The following VAV1 variants were observed in gnomAD, a reference collection of about 807,000 sequenced individuals.
VAV1 encodes the protein vav guanine nucleotide exchange factor 1, also known as proto-oncogene vav.
A neutral mutation model predicts 128.1 loss-of-function variants in VAV1; 33 were observed. The ratio of observed to expected loss-of-function variants is 0.26; its 90% confidence interval spans 0.20 to 0.34. The LOEUF is 0.34. Among genes scored for constraint, VAV1 ranks in the 10% least tolerant of loss-of-function variants. The pLI is 1.00. For synonymous variants in VAV1, 394 were observed against 409.8 expected (o/e 0.96, Z 0.47); for missense variants, 715 against 1,093.7 (o/e 0.65, Z 4.88).
Position 6,822,495 on chromosome 19 carries a change from C to T in VAV1, c.635C>T (p.Thr212Met). Residue 212 changes from threonine (T) to methionine (M), a missense_variant, in exon 6 of 27, where the codon ACG becomes ATG. Coordinates refer to ENST00000602142, the MANE Select transcript of VAV1 (RefSeq NM_005428.4). This position sits in a 1 kb window ranked among gnomAD's most constrained non-coding sequence, Gnocchi z 5.9. Reference protein sequence around the residue: ...IQQTEEKYTDTLGSIQQHFLK... With the variant: ...IQQTEEKYTDMLGSIQQHFLK... ...CAGACGGAGGAGAAGTACACTGACA[C>T]GCTGGGCTCCATCCAGCAGGTGGGC... The T allele has an allele frequency of 6.4e-7, 1 of 1,551,688 alleles. No individual in the cohort carries two copies. The highest frequency in any genetic ancestry group is 8.7e-7 in the Non-Finnish European group (1 of 1,149,594).
intron 19 of VAV1, among the ~76,000 whole-genome samples, chr19:6,834,446 G>T (rs1161320711): frequency 6.6e-6 from 1 of 151,492 alleles, no homozygotes; most frequent in Non-Finnish European, 1.5e-5. Flanking sequence ...GTTTCACCAT[G>T]TTGGGCAGGC....
chr19:6,846,523 G>A (rs1383966030), intron 22 of VAV1, among the ~76,000 whole-genome samples: 4 of 150,922 alleles, frequency 2.7e-5, no homozygotes, highest in Non-Finnish European at 4.4e-5. Context: ...AGGAGGCAGA[G>A]GTTGCAGTGA....
At chr19:6,814,674 T>TTCTCTCTCTCTCTCTCTCTCTCTCTCTC (rs1971592836) in intron 1 of VAV1, among the ~76,000 whole-genome samples, 1 of 95,184 alleles carries the variant, frequency 1.1e-5, no homozygotes, top group African/African-American at 5.5e-5. Flanking sequence ...CTTCCTTCCT[T>TTCTCTCTCTCTCTCTCTCTCTCTCTCTC]TCTTTCTTTC....
At chr19:6,817,302 A>T (rs184474368) in intron 1 of VAV1, among the ~76,000 whole-genome samples, 23 of 151,692 alleles carry the variant, frequency 1.5e-4, no homozygotes, top group Admixed American at 1.4e-3. Context: ...GACCTCAAGT[A>T]ATCTGCCTGC....
chr19:6,819,570 C>A (rs1599652518), intron 1 of VAV1, among the ~76,000 whole-genome samples: 2 of 152,204 alleles, frequency 1.3e-5, no homozygotes, highest in Admixed American at 1.3e-4. Flanking sequence ...GAGTAATATT[C>A]CATTGTGTGG....
intron 1 of VAV1, among the ~76,000 whole-genome samples, chr19:6,817,958 T>C (rs1044593228): frequency 6.6e-6 from 1 of 152,168 alleles, no homozygotes; most frequent in Non-Finnish European, 1.5e-5. Flanking sequence ...AGTGCTGGGA[T>C]TACAGGCATG....
chr19:6,801,533 G>A (rs1337611515), intron 1 of VAV1, among the ~76,000 whole-genome samples: 4 of 152,156 alleles, frequency 2.6e-5, no homozygotes, highest in African/African-American at 4.8e-5. Context: ...TTGAAAGGGT[G>A]CACAGCACAC....
At chr19:6,778,628 G>A (rs911491212) in intron 1 of VAV1, among the ~76,000 whole-genome samples, 1 of 152,156 alleles carries the variant, frequency 6.6e-6, no homozygotes. Flanking sequence ...CCAGCTACCC[G>A]AGAGGCTAAG....
intron 9 of VAV1, among the ~76,000 whole-genome samples, chr19:6,827,492 C>T (rs1971946306): frequency 6.6e-6 from 1 of 152,100 alleles, no homozygotes; most frequent in African/African-American, 2.4e-5. Flanking sequence ...CCAGGGTGGT[C>T]TCAAACTCCT....
At chr19:6,805,603 C>CACACACACAT (rs879919537) in intron 1 of VAV1, among the ~76,000 whole-genome samples, 1,949 of 151,380 alleles carry the variant, frequency 0.013, 30 homozygotes, top group Middle Eastern at 0.027. Flanking sequence ...CACACACACA[C>CACACACACAT]ACACACACAC....
rs1971913722 is a variant in VAV1, at chr19:6,826,198, C to T, written c.828-414C>T. Among the ~76,000 whole-genome samples, 1 of 151,664 alleles carries T rather than the reference C, an allele frequency of 6.6e-6. No homozygotes were observed. The highest frequency in any genetic ancestry group is 2.1e-4 in the South Asian group (1 of 4,812). On this transcript the variant is annotated intron_variant, in intron 8 of 26. Transcript: ENST00000602142. This position sits in a 1 kb window ranked among gnomAD's most constrained non-coding sequence, Gnocchi z 4.1. ...ACTAAAAATACAAAAATTAGCCAGG[C>T]ATGGTGGCAGGTGTCTGTAATCCCA...
At chr19:6,825,500 G>C (rs370571831) in intron 8 of VAV1, 94 bp downstream of exon 8, 7 of 1,093,720 alleles carry the variant, frequency 6.4e-6, no homozygotes, top group Non-Finnish European at 9.4e-6. Flanking sequence ...ACCACTGGAC[G>C]GGGAGGACTT....
chr19:6,825,329 C>T lies in VAV1; in HGVS notation c.750C>T (p.Phe250=), dbSNP rs568745219. Residue 250 remains phenylalanine, a synonymous_variant, in exon 8 of 27, where the codon TTC becomes TTT. Coordinates refer to ENST00000602142, the MANE Select transcript of VAV1 (RefSeq NM_005428.4). ...IEDLLRVHTH[F]LKEMKEALGT... Reference sequence around the variant, plus strand: ...ACCTGCTTCGTGTTCATACTCACTTCCTAAAGGAGATGAAGGAAGCCCTGG... The same window carrying T: ...ACCTGCTTCGTGTTCATACTCACTTTCTAAAGGAGATGAAGGAAGCCCTGG... The T allele has an allele frequency of 2.4e-5, 38 of 1,613,382 alleles. No homozygotes were observed. In the East Asian group the frequency reaches 7.8e-4, roughly 33 times the overall value.
intron 22 of VAV1, among the ~76,000 whole-genome samples, chr19:6,847,762 C>T (rs576499508): frequency 1.3e-5 from 2 of 152,170 alleles, no homozygotes; most frequent in African/African-American, 4.8e-5. Flanking sequence ...GCCATCCCCC[C>T]GAATCCATGT....
chr19:6,780,573 CTTTTT>C (rs34155628), intron 1 of VAV1, among the ~76,000 whole-genome samples: 1 of 128,922 alleles, frequency 7.8e-6, no homozygotes, highest in Admixed American at 7.8e-5. Context: ...TTTCTTTTTT[CTTTTT>C]TTTTTTTTTT....
At chr19:6,810,007 C>CA (rs1354229472) in intron 1 of VAV1, among the ~76,000 whole-genome samples, 1 of 151,630 alleles carries the variant, frequency 6.6e-6, no homozygotes, top group African/African-American at 2.4e-5. Context: ...CCTGTATCTA[C>CA]AAAAAATAAA....
chr19:6,788,556 T>C lies in VAV1; in HGVS notation c.204+15545T>C, dbSNP rs570586542. ...CACACCTGGCTAATTTTTGTATTTTTAGTAGAGACGGGGTTTCACCAGATT... is the reference window on the plus strand; with the variant it reads ...CACACCTGGCTAATTTTTGTATTTTCAGTAGAGACGGGGTTTCACCAGATT... On this transcript the variant is annotated intron_variant, in intron 1 of 26. Coordinates refer to ENST00000602142, the MANE Select transcript of VAV1 (RefSeq NM_005428.4). Among the ~76,000 whole-genome samples the C allele has an allele frequency of 1.4e-3, 219 of 152,100 alleles. 1 individual carries two copies. Among genetic ancestry groups the C allele is most frequent in the South Asian group, 9.1e-3 (44 of 4,818 alleles).
At chr19:6,845,228 A>C (rs1286248789) in intron 22 of VAV1, among the ~76,000 whole-genome samples, 3 of 151,698 alleles carry the variant, frequency 2.0e-5, no homozygotes, top group Non-Finnish European at 2.9e-5. Context: ...TAAAAATACA[A>C]AAAAAAATTA....
chr19:6,786,338 T>C (rs76151130), intron 1 of VAV1, among the ~76,000 whole-genome samples: 2,523 of 152,236 alleles, frequency 0.017, 69 homozygotes, highest in African/African-American at 0.058. Flanking sequence ...AGCTTGTATC[T>C]GTAGTCCCAG....
Sources: allele counts gnomAD v4.1 joint callset (sites outside exome capture counted in the v4.1 genomes callset), GRCh38; gene constraint gnomAD v4.1.1; non-coding constraint Gnocchi (gnomAD v3.1); transcripts MANE v1.5; gene names NCBI Gene and HGNC (gene_info 2026-07-23, HGNC 2026-07-21).